EPB41L4B: variants seen among roughly 807,000 people sequenced by gnomAD.
EPB41L4B encodes the protein erythrocyte membrane protein band 4.1 like 4B.
A neutral mutation model predicts 112.5 loss-of-function variants in EPB41L4B; 30 were observed. The observed-to-expected ratio is 0.27, with a 90% confidence interval of 0.20 to 0.36. The LOEUF (loss-of-function observed/expected upper bound fraction) is 0.36. Ranked by LOEUF, EPB41L4B falls within the 10% of genes least tolerant of loss-of-function variation. The probability of loss-of-function intolerance (pLI) is 1.00; values close to 1 mark genes in which losing one functional copy is unlikely to be tolerated. For synonymous variants in EPB41L4B, 408 were observed against 439.7 expected, an observed-to-expected ratio of 0.93 and a Z score of 0.90; for missense variants, 1,024 against 1,133.3, an observed-to-expected ratio of 0.90 and a Z score of 1.38.
At chr9:109,273,345 C>G (rs1835696750) in intron 2 of EPB41L4B, among the ~76,000 whole-genome samples, 1 of 151,890 alleles carries the variant, frequency 6.6e-6, no homozygotes, top group Non-Finnish European at 1.5e-5. Context: ...CTCCTGGGTT[C>G]AAGTGATTCT....
chr9:109,241,699 C>G (rs1206902278), intron 15 of EPB41L4B: 1 of 1,614,180 alleles, frequency 6.2e-7, no homozygotes. Context: ...ATACATCATA[C>G]TTTGCATCCC....
At chr9:109,271,236 G>C (rs138536381) in intron 2 of EPB41L4B, among the ~76,000 whole-genome samples, 60 of 152,318 alleles carry the variant, frequency 3.9e-4, no homozygotes, top group African/African-American at 1.4e-3. Flanking sequence ...TTGTGGGCTG[G>C]GCTCCATCCT....
intron 2 of EPB41L4B, among the ~76,000 whole-genome samples, chr9:109,278,242 C>G (rs1409784263): frequency 6.6e-6 from 1 of 151,744 alleles, no homozygotes; most frequent in Non-Finnish European, 1.5e-5. Context: ...CGGGAGGGTT[C>G]GAGGAGGACA....
intron 25 of EPB41L4B, 99 bp from the exon 26 acceptor site, chr9:109,174,722 T>C: frequency 9.5e-6 from 9 of 951,764 alleles, no homozygotes; most frequent in African/African-American, 1.6e-5. Flanking sequence ...CTGATCTCAG[T>C]GTTGGACTTT....
Position 109,222,491 on chromosome 9 carries a change from G to A in EPB41L4B, c.1410-5346C>T, listed in dbSNP as rs73654233. On this transcript the variant is annotated intron_variant, in intron 15 of 25. Transcript: ENST00000374566. ...ATGTAAATGACATTCACTAGGTTGC[G>A]CATCTTCCCTCTTCATAGAGACCTC... 6.8e-3 allele frequency among the ~76,000 whole-genome samples: 1,038 copies of A among 152,282 alleles called. 5 individuals are homozygous for A. The highest frequency in any genetic ancestry group is 0.024 in the African/African-American group (990 of 41,554).
At chr9:109,240,801 A>G (rs1443391575) in intron 15 of EPB41L4B, 3 of 985,348 alleles carry the variant, frequency 3.0e-6, no homozygotes, top group Non-Finnish European at 3.6e-6. Flanking sequence ...CAATCCCCCA[A>G]TTCTGACAGT....
At position 109,208,836 on chromosome 9, in the gene EPB41L4B, C is replaced by G. The variant is rs186650296; in HGVS notation, c.1753-787G>C. On this transcript the variant is annotated intron_variant, in intron 17 of 25. Transcript: ENST00000374566. The stretch of plus-strand genomic sequence containing the variant: ...CACACTACATTTTGGGAAATAATGT[C>G]TTATTGTTAACCATGCCTATTGTGG... Among the ~76,000 whole-genome samples, 511 of 152,252 alleles carry G rather than the reference C, an allele frequency of 3.4e-3. 2 individuals carry two copies. The highest frequency in any genetic ancestry group is 7.6e-3 in the Admixed American group (116 of 15,290).
intron 15 of EPB41L4B, among the ~76,000 whole-genome samples, chr9:109,221,879 C>G (rs1293182466): frequency 6.6e-6 from 1 of 152,186 alleles, no homozygotes; most frequent in Non-Finnish European, 1.5e-5. Context: ...TAGATATCAT[C>G]TGTCATGCCA....
intron 11 of EPB41L4B, among the ~76,000 whole-genome samples, chr9:109,255,072 C>G (rs1222837537): frequency 6.6e-6 from 1 of 152,208 alleles, no homozygotes; most frequent in Non-Finnish European, 1.5e-5. Context: ...GGTGTGTGAA[C>G]AGTTCTGGCA....
At chr9:109,266,693 C>A (rs896906479) in intron 4 of EPB41L4B, among the ~76,000 whole-genome samples, 1 of 152,024 alleles carries the variant, frequency 6.6e-6, no homozygotes, top group Non-Finnish European at 1.5e-5. Flanking sequence ...TCAGGCCGGG[C>A]GCAGTGGCTC....
chr9:109,217,198 C>T, intron 15 of EPB41L4B, 53 bp from the exon 16 acceptor site: 1 of 1,542,136 alleles, frequency 6.5e-7, no homozygotes, highest in Non-Finnish European at 9.0e-7. Flanking sequence ...CTTGCAAGCC[C>T]TCTGTGTACT....
At chr9:109,255,894 A>G in intron 9 of EPB41L4B, 51 bp from the exon 10 acceptor site, 1 of 1,508,824 alleles carries the variant, frequency 6.6e-7, no homozygotes, top group Non-Finnish European at 9.1e-7. Context: ...AAAACTATCT[A>G]CACATCAAAT....
chr9:109,308,042 G>A (rs774736199), intron 1 of EPB41L4B, among the ~76,000 whole-genome samples: 14 of 152,130 alleles, frequency 9.2e-5, no homozygotes, highest in African/African-American at 3.1e-4. Context: ...GTTCTCCAAC[G>A]GTTCCCTCAG....
intron 2 of EPB41L4B, among the ~76,000 whole-genome samples, chr9:109,276,083 CATAT>C (rs946882470): frequency 6.9e-6 from 1 of 143,904 alleles, no homozygotes; most frequent in African/African-American, 2.5e-5. Flanking sequence ...TGTATATATA[CATAT>C]ATATTATATA....
At chr9:109,222,363 G>A (rs1321665459) in intron 15 of EPB41L4B, among the ~76,000 whole-genome samples, 2 of 152,164 alleles carry the variant, frequency 1.3e-5, no homozygotes, top group African/African-American at 4.8e-5. Flanking sequence ...CACGCCTGGG[G>A]GATCATCCTG....
chr9:109,229,208 C>T (rs552021518), intron 15 of EPB41L4B, among the ~76,000 whole-genome samples: 8 of 152,312 alleles, frequency 5.3e-5, no homozygotes, highest in African/African-American at 1.7e-4. Context: ...GTTACTTACA[C>T]ATTTCCAATG....
chr9:109,320,602 G>C lies in EPB41L4B; in HGVS notation c.-156C>G, dbSNP rs1490651489. 4 of 199,270 alleles carry C rather than the reference G, an allele frequency of 2.0e-5. No homozygotes were observed. The highest frequency in any genetic ancestry group is 1.0e-4 in the African/African-American group (4 of 39,962). 12.3% of individuals were successfully genotyped at this position (199,270 alleles called of 1,614,324 possible). A position where few individuals can be genotyped will look rare whatever the true frequency, so the allele number is the denominator to read the frequency against. ...CTACGGCCCGGGGCAAGCCCGCGCC[G>C]AGGCCGAGGCCGCGCTCTAGCCGCC... On this transcript the variant is annotated 5_prime_UTR_variant, in exon 1 of 26. Transcript: ENST00000374566.
intron 24 of EPB41L4B, among the ~76,000 whole-genome samples, chr9:109,181,864 GT>G (rs1467293127): frequency 6.6e-6 from 1 of 152,042 alleles, no homozygotes; most frequent in African/African-American, 2.4e-5. Flanking sequence ...CAATAAATGA[GT>G]GGATAAACAA....
chr9:109,317,976 A>G (rs1212716363), intron 1 of EPB41L4B, among the ~76,000 whole-genome samples: 1 of 152,160 alleles, frequency 6.6e-6, no homozygotes, highest in African/African-American at 2.4e-5. Context: ...AGGAGCACAC[A>G]CTCAGATCTG....
Sources: allele counts gnomAD v4.1 joint callset (sites outside exome capture counted in the v4.1 genomes callset), GRCh38; gene constraint gnomAD v4.1.1; transcripts MANE v1.5; gene names NCBI Gene and HGNC (gene_info 2026-07-23, HGNC 2026-07-21).